EPHA5: variants seen among roughly 807,000 people sequenced by gnomAD.
EPHA5 encodes the protein ephrin type-A receptor 5.
Under a neutral mutation model 105.0 loss-of-function variants are expected in EPHA5, and 60 were observed. The observed-to-expected ratio is 0.57, with a 90% CI of 0.46 to 0.71. The LOEUF (loss-of-function observed/expected upper bound fraction) is 0.71. Ranked by LOEUF, EPHA5 falls within the 30% of genes least tolerant of loss-of-function variation. EPHA5 has a pLI of 0.00. For missense variants in EPHA5, 1,218 were observed against 1,274.7 expected, an observed-to-expected ratio of 0.96 and a Z score of 0.68; for synonymous variants, 513 against 449.1, an observed-to-expected ratio of 1.14 and a Z score of -1.80.
chr4:65,437,207 A>C (rs941108601), intron 5 of EPHA5, among the ~76,000 whole-genome samples: 3 of 152,000 alleles, frequency 2.0e-5, no homozygotes, highest in African/African-American at 7.2e-5. Flanking sequence ...TGTGAAACTT[A>C]TTCTAGAATC....
At chr4:65,667,310 T>C (rs1750048775) in intron 1 of EPHA5, among the ~76,000 whole-genome samples, 1 of 152,126 alleles carries the variant, frequency 6.6e-6, no homozygotes, top group Non-Finnish European at 1.5e-5. Context: ...GGATACTAGG[T>C]GGAAAGATGG....
intron 3 of EPHA5, among the ~76,000 whole-genome samples, chr4:65,512,922 T>G (rs1047443458): frequency 6.6e-6 from 1 of 150,468 alleles, no homozygotes; most frequent in African/African-American, 2.5e-5. Flanking sequence ...TGGCAAAATC[T>G]GGAAAAAAAA....
At chr4:65,517,108 A>C (rs937509722) in intron 3 of EPHA5, among the ~76,000 whole-genome samples, 1 of 151,490 alleles carries the variant, frequency 6.6e-6, no homozygotes, top group Non-Finnish European at 1.5e-5. Context: ...TTTCTTCATT[A>C]ATTCTGTCAC....
intron 5 of EPHA5, among the ~76,000 whole-genome samples, chr4:65,459,025 A>G (rs1324151519): frequency 1.1e-4 from 17 of 152,038 alleles, no homozygotes; most frequent in Non-Finnish European, 2.5e-4. Flanking sequence ...GTAAGAATCA[A>G]TTGCATTTTC....
chr4:65,533,521 A>T (rs1290747350), intron 3 of EPHA5, among the ~76,000 whole-genome samples: 1 of 152,208 alleles, frequency 6.6e-6, no homozygotes, highest in Non-Finnish European at 1.5e-5. Context: ...AGTATATATT[A>T]TGTAGTATCT....
intron 3 of EPHA5, among the ~76,000 whole-genome samples, chr4:65,570,765 G>A (rs779275407): frequency 8.6e-5 from 13 of 151,858 alleles, no homozygotes; most frequent in Non-Finnish European, 1.3e-4. Flanking sequence ...CCATTGTCAT[G>A]ATTTTTACTG....
chr4:65,541,161 A>G (rs1390123671), intron 3 of EPHA5, among the ~76,000 whole-genome samples: 1 of 151,690 alleles, frequency 6.6e-6, no homozygotes, highest in Non-Finnish European at 1.5e-5. Context: ...TGAAAATGTA[A>G]AGACAAGTGA....
At chr4:65,565,884 A>C (rs753062148) in intron 3 of EPHA5, among the ~76,000 whole-genome samples, 5 of 151,684 alleles carry the variant, frequency 3.3e-5, no homozygotes, top group African/African-American at 1.2e-4. Context: ...TCTACTTTGA[A>C]TAGGAAATAA....
intron 3 of EPHA5, among the ~76,000 whole-genome samples, chr4:65,508,576 T>C (rs544517793): frequency 6.6e-6 from 1 of 152,258 alleles, no homozygotes; most frequent in African/African-American, 2.4e-5. Context: ...ATGTGCTATT[T>C]TGGAATAAAG....
chr4:65,430,043 T>G (rs544157044), intron 5 of EPHA5, among the ~76,000 whole-genome samples: 30 of 152,160 alleles, frequency 2.0e-4, no homozygotes, highest in Admixed American at 1.3e-3. Flanking sequence ...AATCACAACA[T>G]TCTGTTCCAC....
At chr4:65,508,908 A>G (rs1184481076) in intron 3 of EPHA5, among the ~76,000 whole-genome samples, 2 of 152,184 alleles carry the variant, frequency 1.3e-5, no homozygotes, top group African/African-American at 2.4e-5. Context: ...CAGGAAATAT[A>G]GAGAACGCAT....
intron 1 of EPHA5, among the ~76,000 whole-genome samples, chr4:65,652,684 A>G (rs72642684): frequency 0.24 from 37,086 of 151,952 alleles, 5,644 homozygotes; most frequent in Middle Eastern, 0.41. Context: ...TATGAGATCA[A>G]TTACTGAAAA....
At chr4:65,613,008 G>T (rs562427944) in intron 2 of EPHA5, among the ~76,000 whole-genome samples, 1 of 152,100 alleles carries the variant, frequency 6.6e-6, no homozygotes, top group African/African-American at 2.4e-5. Flanking sequence ...ATAGTTTCAG[G>T]TCATACATTT....
At chr4:65,649,764 G>A (rs1748433094) in intron 1 of EPHA5, among the ~76,000 whole-genome samples, 1 of 152,020 alleles carries the variant, frequency 6.6e-6, no homozygotes, top group Admixed American at 6.6e-5. Flanking sequence ...GCGTAGCTCT[G>A]AGCTCCTAAT....
intron 8 of EPHA5, among the ~76,000 whole-genome samples, chr4:65,378,578 T>G (rs2034538): frequency 0.59 from 89,359 of 151,702 alleles, 26,648 homozygotes; most frequent in East Asian, 0.78. Flanking sequence ...GTTTTTGTAA[T>G]TACAATTTTA....
chr4:65,574,260 C>A, intron 3 of EPHA5: 1 of 1,592,640 alleles, frequency 6.3e-7, no homozygotes, highest in Non-Finnish European at 8.6e-7. Flanking sequence ...TATTCCTCAG[C>A]TCCAGGGCTA....
chr4:65,626,808 C>G (rs555577878), intron 2 of EPHA5, among the ~76,000 whole-genome samples: 10 of 152,210 alleles, frequency 6.6e-5, no homozygotes, highest in Admixed American at 4.6e-4. Flanking sequence ...TACTATGGAT[C>G]AATAGATGAG....
chr4:65,346,916 G>A (rs1053932229), intron 14 of EPHA5, among the ~76,000 whole-genome samples: 1 of 152,130 alleles, frequency 6.6e-6, no homozygotes, highest in African/African-American at 2.4e-5. Context: ...ATAGACTTTG[G>A]CAGAGGAGGA....
At position 65,670,325 on chromosome 4, in the gene EPHA5, G is replaced by A; in HGVS notation, c.-583C>T. On this transcript the variant is annotated 5_prime_UTR_variant, in exon 1 of 17. Coordinates refer to ENST00000613740, the MANE Select transcript of EPHA5 (RefSeq NM_001281766.3). ...GCAGAAGGAAATAGCTGCGGGCTGA[G>A]TGCTGAAGAGGGGAGGGACTGACGG... 8.6e-6 allele frequency: 2 copies of A among 233,682 alleles called. No homozygotes were observed. 14.5% of individuals were successfully genotyped at this position (233,682 alleles called of 1,614,324 possible).
Sources: gnomAD v4.1 joint callset for allele counts (sites outside exome capture counted in the v4.1 genomes callset) on GRCh38, gnomAD v4.1.1 for gene constraint, MANE v1.5 for transcripts, NCBI Gene and HGNC (gene_info 2026-07-23, HGNC 2026-07-21) for gene names.